Variants in ZNF169 observed in about 807,000 individuals in gnomAD.
ZNF169 encodes the protein zinc finger protein 169.
Under a neutral mutation model 12.0 loss-of-function variants are expected in ZNF169, and 11 were observed. The ratio of observed to expected loss-of-function variants is 0.92; its 90% CI spans 0.58 to 1.52. The LOEUF is 1.52. Ranked by LOEUF, ZNF169 falls within the 40% of genes most tolerant of loss-of-function variation. The pLI is 0.00. For missense variants in ZNF169, 722 were observed against 744.0 expected, an observed-to-expected ratio of 0.97 and a Z score of 0.34; for synonymous variants, 302 against 286.5, an observed-to-expected ratio of 1.05 and a Z score of -0.55.
In ZNF169 at chr9:94,278,832, CA is replaced by C; in HGVS notation, c.22del (p.Thr8ProfsTer6). On this transcript the variant is annotated frameshift_variant, in exon 2 of 5. Coordinates refer to ENST00000395395, the MANE Select transcript of ZNF169 (RefSeq NM_194320.4). LOFTEE classifies it high-confidence loss of function. ...AGGGATATGTCACCAGGACTCCTGA[CA>C]ACCAGGAAGGAGGTAAGTCCTGAAA... is the stretch of plus-strand genomic sequence containing the variant. MSPGLLTTRKEALMAFR... is the reference protein window; with the variant it reads MSPGLLXTRKEALMAFR... The C allele has an allele frequency of 6.2e-7, 1 of 1,614,032 alleles. No homozygotes were observed. The highest frequency in any genetic ancestry group is 1.7e-5 in the Admixed American group (1 of 60,002).
intron 2 of ZNF169, among the ~76,000 whole-genome samples, chr9:94,287,496 C>G (rs1240174607): frequency 6.6e-6 from 1 of 152,056 alleles, no homozygotes; most frequent in Non-Finnish European, 1.5e-5. Flanking sequence ...CCCCGGTTAG[C>G]TGGGACTACA....
intron 4 of ZNF169, chr9:94,295,977 G>A (rs1362239713): frequency 6.6e-6 from 1 of 152,154 alleles, no homozygotes; most frequent in African/African-American, 2.4e-5. Flanking sequence ...TTCCAAAGTG[G>A]CCGCACCATT....
At chr9:94,270,669 AC>A (rs1830373120) in intron 1 of ZNF169, among the ~76,000 whole-genome samples, 2 of 83,052 alleles carry the variant, frequency 2.4e-5, no homozygotes, top group Non-Finnish European at 5.0e-5. Context: ...AAATATATAT[AC>A]TATATAAATA....
At chr9:94,270,716 A>G (rs1475581130) in intron 1 of ZNF169, among the ~76,000 whole-genome samples, 1 of 31,620 alleles carries the variant, frequency 3.2e-5, no homozygotes, top group Non-Finnish European at 8.6e-5. Context: ...TATATAATAT[A>G]TAATATTATA....
chr9:94,264,824 C>T (rs1830262210), intron 1 of ZNF169, among the ~76,000 whole-genome samples: 1 of 151,962 alleles, frequency 6.6e-6, no homozygotes, highest in African/African-American at 2.4e-5. Flanking sequence ...CTTCTTGTTA[C>T]TTGATCAGTA....
chr9:94,300,239 G>A lies in ZNF169; in HGVS notation c.681G>A (p.Leu227=). 1 of 1,614,220 alleles carries A rather than the reference G, an allele frequency of 6.2e-7. No homozygotes were observed. The highest frequency in any genetic ancestry group is 8.5e-7 in the Non-Finnish European group (1 of 1,180,034). Residue 227 remains leucine, a synonymous_variant, in exon 5 of 5, where the codon CTG becomes CTA. Coordinates refer to ENST00000395395, the MANE Select transcript of ZNF169 (RefSeq NM_194320.4). The part of the protein sequence containing the change: ...YRLGLSKKSS[L]FSHQKHHVCP... ...TGGGACTTAGCAAAAAGTCAAGCCT[G>A]TTCAGCCACCAGAAGCATCATGTGT...
chr9:94,284,785 G>A (rs1160798454), intron 2 of ZNF169, among the ~76,000 whole-genome samples: 1 of 152,032 alleles, frequency 6.6e-6, no homozygotes, highest in Non-Finnish European at 1.5e-5. Flanking sequence ...TGAATTAGAA[G>A]ATTTAATATT....
At chr9:94,262,370 G>A (rs1830220281) in intron 1 of ZNF169, among the ~76,000 whole-genome samples, 1 of 152,212 alleles carries the variant, frequency 6.6e-6, no homozygotes, top group Admixed American at 6.5e-5. Context: ...AGGGTGCCAA[G>A]ATTGTGTGTG....
chr9:94,266,465 G>T (rs1207160290), intron 1 of ZNF169, among the ~76,000 whole-genome samples: 1 of 152,168 alleles, frequency 6.6e-6, no homozygotes, highest in African/African-American at 2.4e-5. Context: ...TGTTTTGGGG[G>T]CATAGAGGCA....
intron 1 of ZNF169, among the ~76,000 whole-genome samples, chr9:94,275,052 A>T (rs550420657): frequency 6.6e-6 from 1 of 152,280 alleles, no homozygotes; most frequent in Admixed American, 6.5e-5. Flanking sequence ...CAGCCTGGAC[A>T]AACAGTGAGA....
At chr9:94,287,869 C>T in intron 2 of ZNF169, 2 of 1,005,650 alleles carry the variant, frequency 2.0e-6, no homozygotes, top group South Asian at 1.3e-5. Context: ...GCGTCAGGGT[C>T]GATCTGATAC....
chr9:94,289,537 C>G (rs192904936), intron 2 of ZNF169, among the ~76,000 whole-genome samples: 11 of 152,188 alleles, frequency 7.2e-5, no homozygotes, highest in Admixed American at 7.2e-4. Flanking sequence ...CGCCTGTAAT[C>G]CCAGCACTTT....
chr9:94,301,240 A>G lies in ZNF169; in HGVS notation c.1682A>G (p.Gln561Arg). 1 of 1,614,142 alleles carries G rather than the reference A, an allele frequency of 6.2e-7. No homozygotes were observed. The highest frequency in any genetic ancestry group is 8.5e-7 in the Non-Finnish European group (1 of 1,180,030). The change falls in exon 5 of 5, where the codon CAG (glutamine) becomes CGG (arginine). Residue 561 changes from glutamine (Q) to arginine (R), a missense_variant. Transcript: ENST00000395395. ...FGFKSALIRH[Q>R]RTHSGEKPYV... Reference sequence around the variant, plus strand: ...TTTAAGTCTGCCCTCATCCGACATCAGCGGACCCATTCTGGGGAGAAGCCG... The same window carrying G: ...TTTAAGTCTGCCCTCATCCGACATCGGCGGACCCATTCTGGGGAGAAGCCG...
intron 2 of ZNF169, among the ~76,000 whole-genome samples, chr9:94,280,669 G>A (rs1374561706): frequency 6.6e-6 from 1 of 152,210 alleles, no homozygotes; most frequent in Non-Finnish European, 1.5e-5. Context: ...GGGAGGGGAA[G>A]GGGTTCTTAT....
At chr9:94,276,560 AT>A (rs538202353) in intron 1 of ZNF169, among the ~76,000 whole-genome samples, 1 of 151,894 alleles carries the variant, frequency 6.6e-6, no homozygotes, top group Non-Finnish European at 1.5e-5. Context: ...TGCCTGGCCA[AT>A]TTTTGTATTT....
intron 1 of ZNF169, among the ~76,000 whole-genome samples, chr9:94,274,544 C>A (rs1326964228): frequency 6.6e-6 from 1 of 152,156 alleles, no homozygotes; most frequent in Non-Finnish European, 1.5e-5. Context: ...CCTTGACTTA[C>A]AATGGGATTA....
At chr9:94,282,412 G>GTAT (rs1830656130) in intron 2 of ZNF169, among the ~76,000 whole-genome samples, 1 of 152,180 alleles carries the variant, frequency 6.6e-6, no homozygotes, top group African/African-American at 2.4e-5. Context: ...GCAGTATATT[G>GTAT]GTTCGGTCTG....
intron 2 of ZNF169, among the ~76,000 whole-genome samples, chr9:94,285,622 C>T (rs963767042): frequency 1.3e-5 from 2 of 151,944 alleles, no homozygotes; most frequent in African/African-American, 2.4e-5. Context: ...CTTCTGAAGA[C>T]TAAAGATGAA....
At chr9:94,271,895 A>G (rs1160772721) in intron 1 of ZNF169, among the ~76,000 whole-genome samples, 1 of 149,316 alleles carries the variant, frequency 6.7e-6, no homozygotes, top group Non-Finnish European at 1.5e-5. Flanking sequence ...TGTTGGCCTC[A>G]TAAAATGAAT....
Sources: gnomAD v4.1 joint callset for allele counts (sites outside exome capture counted in the v4.1 genomes callset) on GRCh38, gnomAD v4.1.1 for gene constraint, MANE v1.5 for transcripts, NCBI Gene and HGNC (gene_info 2026-07-23, HGNC 2026-07-21) for gene names.